MBOAT4: variants seen among roughly 807,000 people sequenced by gnomAD.
MBOAT4 encodes membrane bound ghrelin O-acyltransferase MBOAT4, also known as membrane-bound ghrelin O-acyltransferase MBOAT4.
Under a neutral mutation model 13.2 loss-of-function variants are expected in MBOAT4, and 11 were observed. That is an observed-to-expected ratio of 0.84 (90% CI 0.53 to 1.38). The LOEUF is 1.38. MBOAT4 is among the 40% of genes most tolerant of loss of function. The pLI, the probability that MBOAT4 is intolerant of heterozygous loss-of-function variation, is 0.00. For synonymous variants in MBOAT4, 202 were observed against 210.3 expected (o/e 0.96, Z 0.34); for missense variants, 481 against 527.2 (o/e 0.91, Z 0.86).
rs953326968 is a variant in MBOAT4, at chr8:30,132,720, TCCCAGGAGAGCAGGGAAAAAGAGCAAGTA to T, written c.502_530del (p.Tyr168ArgfsTer57). 1.3e-5 allele frequency: 20 copies of T among 1,551,500 alleles called. No homozygotes were observed. In the African/African-American group the frequency reaches 2.7e-4, roughly 21 times the overall value. On this transcript the variant is annotated frameshift_variant, in exon 3 of 3. Transcript: ENST00000320542. LOFTEE classifies it low-confidence loss of function (END_TRUNC). ...ATCGCTGGAAGGAGCACAGAGAGCCTCCCAGGAGAGCAGGGAAAAAGAGCAAGTAGCTGAAATAGGGCAGTGCCTTACAC... is the reference window on the plus strand; with the variant it reads ...ATCGCTGGAAGGAGCACAGAGAGCCTGCTGAAATAGGGCAGTGCCTTACAC...
Position 30,134,243 on chromosome 8 carries a change from T to C in MBOAT4, c.345-1337A>G, listed in dbSNP as rs546221835. On this transcript the variant is annotated intron_variant, in intron 2 of 2. Transcript: ENST00000320542. Reference sequence around the variant, plus strand: ...ATCGAGACCATCCTGGCCGATATGGTGAAACCTCATTTCTACTAAAAATAC... The same window carrying C: ...ATCGAGACCATCCTGGCCGATATGGCGAAACCTCATTTCTACTAAAAATAC... Among the ~76,000 whole-genome samples the C allele has an allele frequency of 2.6e-5, 4 of 152,094 alleles. No homozygotes were observed. In the South Asian group the frequency reaches 8.3e-4, roughly 32 times the overall value.
At chr8:30,133,380 A>G (rs530721042) in intron 2 of MBOAT4, among the ~76,000 whole-genome samples, 1 of 152,348 alleles carries the variant, frequency 6.6e-6, no homozygotes, top group African/African-American at 2.4e-5. Context: ...ATAAATAAGC[A>G]TATGTATATC....
At chr8:30,143,347 C>CAAAAAAAAAAAAAAAAAAAAAAA (rs776274086) in intron 1 of MBOAT4, among the ~76,000 whole-genome samples, 3 of 143,604 alleles carry the variant, frequency 2.1e-5, no homozygotes, top group African/African-American at 8.4e-5. Context: ...GACTCCGTCT[C>CAAAAAAAAAAAAAAAAAAAAAAA]AAAAAAAAAA....
At chr8:30,144,385 C>T (rs144443209) in intron 1 of MBOAT4, 98 bp downstream of exon 1, 45 of 846,280 alleles carry the variant, frequency 5.3e-5, no homozygotes, top group Middle Eastern at 2.3e-4. Flanking sequence ...ATCTGCCCGC[C>T]TCAGCCTCCC....
Position 30,132,382 on chromosome 8 carries a change from A to T in MBOAT4, c.869T>A (p.Ile290Asn). 6.4e-7 allele frequency: 1 copy of T among 1,551,722 alleles called. No homozygotes were observed. The highest frequency in any genetic ancestry group is 8.7e-7 in the Non-Finnish European group (1 of 1,147,016). The change falls in exon 3 of 3, where the codon ATC becomes AAC. Residue 290 changes from isoleucine (I) to asparagine (N), a missense_variant. By Grantham distance (149) the Ile-to-Asn change is moderately radical. Coordinates refer to ENST00000320542, the MANE Select transcript of MBOAT4 (RefSeq NM_001100916.2). Reference sequence around the variant, plus strand: ...CCTGTGGGTTCTTTCCAGGGTCCAGATGTCTGCATCGGGGACATATCCCTC... The same window carrying T: ...CCTGTGGGTTCTTTCCAGGGTCCAGTTGTCTGCATCGGGGACATATCCCTC... ...GEEGYVPDADIWTLERTHRIS... is the reference protein window; with the variant it reads ...GEEGYVPDADNWTLERTHRIS...
intron 1 of MBOAT4, among the ~76,000 whole-genome samples, chr8:30,141,151 T>A (rs1201653185): frequency 6.6e-6 from 1 of 152,164 alleles, no homozygotes; most frequent in East Asian, 1.9e-4. Context: ...ATTGTTTTTT[T>A]AATGTTGTAA....
Position 30,132,751 on chromosome 8 carries a change from C to G in MBOAT4, c.500G>C (p.Ser167Thr). The G allele has an allele frequency of 6.4e-7, 1 of 1,551,740 alleles. No homozygotes were observed. The highest frequency in any genetic ancestry group is 8.7e-7 in the Non-Finnish European group (1 of 1,147,004). ...EHVCKALPYF[S>T]YLLFFPALLG... ...GAGAGCAGGGAAAAAGAGCAAGTAG[C>G]TGAAATAGGGCAGTGCCTTACACAC... The change falls in exon 3 of 3, where the codon AGC (serine) becomes ACC (threonine). Residue 167 changes from serine (S) to threonine (T), a missense_variant. Coordinates refer to ENST00000320542, the MANE Select transcript of MBOAT4 (RefSeq NM_001100916.2).
At chr8:30,143,374 TATATATATATATATATATATATATATAA>T (rs535792651) in intron 1 of MBOAT4, among the ~76,000 whole-genome samples, 131,781 of 144,574 alleles carry the variant, frequency 0.91, 60,025 homozygotes, top group Middle Eastern at 0.97. Flanking sequence ...AAAATATATA[TATATATATATATATATATATATATATAA>T]AAATAAATAA....
At position 30,139,919 on chromosome 8, in the gene MBOAT4, C is replaced by T. The variant is rs572192383; in HGVS notation, c.120-1163G>A. ...AGGCTGCACTTGAGCGATGATGACACCATTACACTTCAGCTTGGGTAACAG... is the reference window on the plus strand; with the variant it reads ...AGGCTGCACTTGAGCGATGATGACATCATTACACTTCAGCTTGGGTAACAG... On this transcript the variant is annotated intron_variant, in intron 1 of 2. Transcript: ENST00000320542. Among the ~76,000 whole-genome samples, 16 of 152,308 alleles carry T rather than the reference C, an allele frequency of 1.1e-4. No homozygotes were observed. The South Asian group carries it at 3.3e-3, about 32-fold the overall frequency.
intron 1 of MBOAT4, among the ~76,000 whole-genome samples, chr8:30,143,347 C>CAAAAAAA (rs776274086): frequency 3.0e-4 from 43 of 143,542 alleles, no homozygotes; most frequent in East Asian, 1.3e-3. Flanking sequence ...GACTCCGTCT[C>CAAAAAAA]AAAAAAAAAA....
intron 2 of MBOAT4, among the ~76,000 whole-genome samples, chr8:30,135,844 G>A (rs1024351211): frequency 1.3e-5 from 2 of 150,934 alleles, no homozygotes; most frequent in South Asian, 2.1e-4. Flanking sequence ...AGCCCAGGAG[G>A]TCGAGGCTGC....
chr8:30,136,537 T>A (rs998569569), intron 2 of MBOAT4, among the ~76,000 whole-genome samples: 1 of 152,060 alleles, frequency 6.6e-6, no homozygotes, highest in African/African-American at 2.4e-5. Context: ...CCAGGTCTGC[T>A]CCAGCCTGCC....
chr8:30,138,361 T>G (rs1429254608), intron 2 of MBOAT4, 171 bp downstream of exon 2: 1 of 584,776 alleles, frequency 1.7e-6, no homozygotes, highest in East Asian at 2.8e-5. Flanking sequence ...CCCCATATCT[T>G]TTCCAGAAAA....
chr8:30,138,796 C>T (rs545403044), intron 1 of MBOAT4, 40 bp from the exon 2 acceptor site: 5 of 1,497,140 alleles, frequency 3.3e-6, no homozygotes, highest in African/African-American at 1.4e-5. Context: ...TGACTTAGAA[C>T]GGCACAGCAA....
chr8:30,135,502 T>C (rs762217582), intron 2 of MBOAT4, among the ~76,000 whole-genome samples: 2 of 152,156 alleles, frequency 1.3e-5, no homozygotes, highest in Non-Finnish European at 1.5e-5. Context: ...GAGGAATGGA[T>C]CACAATGTGT....
chr8:30,132,476 A>G lies in MBOAT4; in HGVS notation c.775T>C (p.Trp259Arg). The G allele has an allele frequency of 6.4e-7, 1 of 1,551,766 alleles. No individual in the cohort carries two copies. Among genetic ancestry groups the G allele is most frequent in the Non-Finnish European group, 8.7e-7 (1 of 1,146,998 alleles). ...GLFKLTYYSH[W>R]ILDDSLLHAA... ...TGGAGGAGGGAGTCGTCCAGGATCC[A>G]GTGGGAGTAGTAGGTGAGCTTGAAA... is the stretch of plus-strand genomic sequence containing the variant. Residue 259 changes from tryptophan to arginine, a missense_variant, in exon 3 of 3, where the codon TGG becomes CGG. Trp to Arg is a moderately radical substitution (Grantham distance 101). Transcript: ENST00000320542.
chr8:30,140,738 T>A (rs980824246), intron 1 of MBOAT4, among the ~76,000 whole-genome samples: 6 of 152,196 alleles, frequency 3.9e-5, no homozygotes, highest in Admixed American at 3.9e-4. Context: ...CGACCGTATG[T>A]TTCCACCAAA....
chr8:30,132,536 C>G lies in MBOAT4; in HGVS notation c.715G>C (p.Glu239Gln). ...GTGGTCCACACGACATAGATGCACT[C>G]GAATTGCTGGCAATCAGTCAGTCCC... ...GAGLTDCQQF[E>Q]CIYVVWTTAG... The change falls in exon 3 of 3, where the codon GAG (glutamate) becomes CAG (glutamine). Residue 239 changes from glutamate (E) to glutamine (Q), a missense_variant. Glu to Gln is a conservative substitution (Grantham distance 29). Transcript: ENST00000320542. The G allele has an allele frequency of 6.4e-7, 1 of 1,551,728 alleles. No individual in the cohort carries two copies. Among genetic ancestry groups the G allele is most frequent in the Non-Finnish European group, 8.7e-7 (1 of 1,147,008 alleles).
chr8:30,138,438 G>A (rs1803193641), intron 2 of MBOAT4, 94 bp downstream of exon 2: 1 of 933,628 alleles, frequency 1.1e-6, no homozygotes, highest in Non-Finnish European at 1.6e-6. Flanking sequence ...GGAAAAATTA[G>A]GACTCCAACC....
Sources: allele counts gnomAD v4.1 joint callset (sites outside exome capture counted in the v4.1 genomes callset), GRCh38; gene constraint gnomAD v4.1.1; transcripts MANE v1.5; gene names NCBI Gene and HGNC (gene_info 2026-07-23, HGNC 2026-07-21).